Variants in MARCHF1 observed in about 807,000 individuals in gnomAD.
The protein encoded by MARCHF1 is E3 ubiquitin-protein ligase MARCHF1.
In MARCHF1, 40 loss-of-function variants were observed where a neutral mutation model predicts 54.2. That is an observed-to-expected ratio of 0.74 (90% CI 0.57 to 0.96). MARCHF1 has a LOEUF of 0.96. Among genes scored for constraint, MARCHF1 ranks in the 40% least tolerant of loss-of-function variants. The probability of loss-of-function intolerance (pLI) is 0.00; values close to 1 mark genes in which losing one functional copy is unlikely to be tolerated. For missense variants in MARCHF1, 586 were observed against 656.5 expected, an observed-to-expected ratio of 0.89 and a Z score of 1.17; for synonymous variants, 236 against 236.3, an observed-to-expected ratio of 1.00 and a Z score of 0.01.
intron 4 of MARCHF1, among the ~76,000 whole-genome samples, chr4:163,739,492 T>C (rs957534739): frequency 6.6e-6 from 1 of 152,212 alleles, no homozygotes; most frequent in Non-Finnish European, 1.5e-5. Flanking sequence ...GTAAGTGTTA[T>C]AGAACAGTAA....
At chr4:163,766,992 A>G (rs61665411) in intron 4 of MARCHF1, among the ~76,000 whole-genome samples, 12,410 of 151,774 alleles carry the variant, frequency 0.082, 1,042 homozygotes, top group East Asian at 0.29. Context: ...AATAATTACT[A>G]TAGGCCAAGC....
In MARCHF1 at chr4:164,111,669, C is replaced by T. The variant is rs528935793; in HGVS notation, c.-322-7G>A. ...TTCTTTTGGGGTACATTTCCTGAAA[C>T]GAAAATTAAATTAATGTTAAGGCCA... is the stretch of plus-strand genomic sequence containing the variant. On this transcript the variant is annotated splice_polypyrimidine_tract_variant and splice_region_variant and intron_variant, in intron 1 of 9. Coordinates refer to ENST00000514618, the MANE Select transcript of MARCHF1 (RefSeq NM_001394959.1). 1.5e-4 allele frequency: 22 copies of T among 151,398 alleles called. No homozygotes were observed. Among genetic ancestry groups the T allele is most frequent in the South Asian group, 4.2e-4 (2 of 4,814 alleles). 9.4% of individuals were successfully genotyped at this position (151,398 alleles called of 1,614,324 possible).
At chr4:164,051,271 T>C (rs1158511687) in intron 2 of MARCHF1, among the ~76,000 whole-genome samples, 2 of 152,266 alleles carry the variant, frequency 1.3e-5, no homozygotes, top group South Asian at 2.1e-4. Context: ...TTATAATATA[T>C]CTACATGATG....
intron 7 of MARCHF1, among the ~76,000 whole-genome samples, chr4:163,603,608 TTTG>T (rs1741048782): frequency 6.6e-6 from 1 of 152,164 alleles, no homozygotes; most frequent in Admixed American, 6.6e-5. Flanking sequence ...TGAAAAATTC[TTTG>T]TTGTTTATTT....
intron 1 of MARCHF1, among the ~76,000 whole-genome samples, chr4:164,252,619 G>A (rs1733161076): frequency 6.6e-6 from 1 of 152,066 alleles, no homozygotes; most frequent in Non-Finnish European, 1.5e-5. Flanking sequence ...CCATCAAAAA[G>A]AATCAATGAA....
In MARCHF1 at chr4:163,559,212, G is replaced by A. The variant is rs77286798; in HGVS notation, c.1192-13469C>T. ...TGTATAAAACATAGAAAACTAAAAC[G>A]GAAATAAAATTATTCATAATCTCAT... On this transcript the variant is annotated intron_variant, in intron 8 of 9. Transcript: ENST00000514618. Among the ~76,000 whole-genome samples the A allele has an allele frequency of 1.4e-4, 22 of 151,898 alleles. 1 individual carries two copies. The East Asian group carries it at 2.5e-3, about 17-fold the overall frequency.
intron 1 of MARCHF1, among the ~76,000 whole-genome samples, chr4:164,311,273 G>T (rs1245894464): frequency 3.3e-5 from 5 of 151,814 alleles, no homozygotes; most frequent in African/African-American, 7.3e-5. Context: ...TGTTCTCCAG[G>T]GTAATACTGG....
intron 1 of MARCHF1, among the ~76,000 whole-genome samples, chr4:164,219,741 G>A (rs1240671106): frequency 6.6e-6 from 1 of 151,852 alleles, no homozygotes; most frequent in Admixed American, 6.6e-5. Context: ...CAATGACTCG[G>A]ATCAGCTCTC....
intron 2 of MARCHF1, among the ~76,000 whole-genome samples, chr4:164,094,636 C>T (rs907392637): frequency 6.6e-5 from 10 of 151,988 alleles, no homozygotes; most frequent in African/African-American, 2.4e-4. Context: ...ATATAAAAAC[C>T]TGACAAATAT....
chr4:164,379,978 GA>G (rs200540512), intron 1 of MARCHF1, among the ~76,000 whole-genome samples: 2,475 of 139,058 alleles, frequency 0.018, 85 homozygotes, highest in East Asian at 0.14. Flanking sequence ...ACAACATGTT[GA>G]AAAAAAAAAA....
chr4:164,283,337 T>C (rs1734071111), intron 1 of MARCHF1, among the ~76,000 whole-genome samples: 1 of 150,800 alleles, frequency 6.6e-6, no homozygotes, highest in African/African-American at 2.4e-5. Flanking sequence ...TTTTCCTCCC[T>C]CCTCAATATT....
chr4:164,052,850 G>A (rs1463238063), intron 2 of MARCHF1, among the ~76,000 whole-genome samples: 2 of 152,070 alleles, frequency 1.3e-5, no homozygotes, highest in African/African-American at 2.4e-5. Flanking sequence ...AGGAGACTTA[G>A]AATCGAGGTA....
At chr4:163,609,791 A>C (rs115175321) in intron 7 of MARCHF1, among the ~76,000 whole-genome samples, 5,743 of 151,986 alleles carry the variant, frequency 0.038, 138 homozygotes, top group Non-Finnish European at 0.052. Context: ...AAATGGGCTG[A>C]GGGAAGCACA....
intron 5 of MARCHF1, among the ~76,000 whole-genome samples, chr4:163,671,312 G>C (rs934649354): frequency 3.3e-5 from 5 of 152,170 alleles, no homozygotes; most frequent in African/African-American, 1.2e-4. Context: ...GGCTGAGATG[G>C]ACTAAGTTGA....
chr4:163,891,363 C>T (rs547621783), intron 3 of MARCHF1, among the ~76,000 whole-genome samples: 1 of 152,114 alleles, frequency 6.6e-6, no homozygotes, highest in South Asian at 2.1e-4. Flanking sequence ...ACTAAAAAAA[C>T]ACAAAACTGA....
chr4:163,736,584 C>T (rs916868864), intron 4 of MARCHF1, among the ~76,000 whole-genome samples: 1 of 151,452 alleles, frequency 6.6e-6, no homozygotes, highest in Non-Finnish European at 1.5e-5. Context: ...TCTAACCTAA[C>T]TTTTTCCAGA....
chr4:163,581,407 G>A (rs1404894983), intron 8 of MARCHF1, among the ~76,000 whole-genome samples: 2 of 152,190 alleles, frequency 1.3e-5, no homozygotes, highest in Non-Finnish European at 2.9e-5. Context: ...AGAAAATTAT[G>A]CATTTTGAAT....
intron 1 of MARCHF1, among the ~76,000 whole-genome samples, chr4:164,259,505 A>G (rs1216385845): frequency 7.2e-6 from 1 of 138,406 alleles, no homozygotes; most frequent in African/African-American, 2.7e-5. Context: ...GATCACGGCT[A>G]CTGCACTCCA....
At chr4:163,693,472 C>G (rs56031037) in intron 5 of MARCHF1, among the ~76,000 whole-genome samples, 47,306 of 150,962 alleles carry the variant, frequency 0.31, 9,925 homozygotes, top group Non-Finnish European at 0.45. Flanking sequence ...GCAATATCAG[C>G]TGCAATACAA....
Sources: allele counts gnomAD v4.1 joint callset (sites outside exome capture counted in the v4.1 genomes callset), GRCh38; gene constraint gnomAD v4.1.1; transcripts MANE v1.5; gene names NCBI Gene and HGNC (gene_info 2026-07-23, HGNC 2026-07-21).